The following STX8 variants were observed in gnomAD, a reference collection of about 807,000 sequenced individuals.
STX8 encodes the protein syntaxin 8.
STX8 carries 23 observed loss-of-function variants against 37.5 expected under a neutral mutation model. That is an observed-to-expected ratio of 0.61 (90% CI 0.44 to 0.87). The LOEUF (loss-of-function observed/expected upper bound fraction) is 0.87, where lower values mean the gene tolerates loss of function less well. Ranked by LOEUF, STX8 falls within the 40% of genes least tolerant of loss-of-function variation. The pLI, the probability that STX8 is intolerant of heterozygous loss-of-function variation, is 0.00. For missense variants in STX8, 313 were observed against 284.7 expected, an observed-to-expected ratio of 1.10 and a Z score of -0.71; for synonymous variants, 115 against 99.1, an observed-to-expected ratio of 1.16 and a Z score of -0.95.
chr17:9,470,214 G>GT (rs374917390), intron 6 of STX8, among the ~76,000 whole-genome samples: 246 of 152,292 alleles, frequency 1.6e-3, no homozygotes, highest in African/African-American at 5.6e-3. Context: ...AGAGAATGTC[G>GT]TGTCTCTTCC....
chr17:9,369,886 CAAA>C (rs60178482), intron 7 of STX8, among the ~76,000 whole-genome samples: 15 of 52,152 alleles, frequency 2.9e-4, no homozygotes, highest in Admixed American at 5.6e-4. Context: ...GACCCTGTAC[CAAA>C]AAAAAAAAAA....
At chr17:9,330,569 ATTTTCTAAAAGGTTTATTAG>A (rs1210594744) in intron 7 of STX8, among the ~76,000 whole-genome samples, 2 of 152,128 alleles carry the variant, frequency 1.3e-5, no homozygotes, top group East Asian at 3.9e-4. Flanking sequence ...GATGATCACC[ATTTTCTAAAAGGTTTATTAG>A]TTCTAGGTCC....
chr17:9,489,592 A>G (rs1906759982), intron 6 of STX8, among the ~76,000 whole-genome samples: 1 of 152,028 alleles, frequency 6.6e-6, no homozygotes, highest in African/African-American at 2.4e-5. Context: ...TTTGGTGGCT[A>G]GAGTCCTCTC....
At chr17:9,266,471 G>T (rs866621781) in intron 7 of STX8, among the ~76,000 whole-genome samples, 1 of 152,124 alleles carries the variant, frequency 6.6e-6, no homozygotes, top group Non-Finnish European at 1.5e-5. Context: ...CTTCAGCGCC[G>T]TGCTGGCTGA....
At chr17:9,326,356 A>G (rs139747385) in intron 7 of STX8, among the ~76,000 whole-genome samples, 385 of 152,200 alleles carry the variant, frequency 2.5e-3, no homozygotes, top group African/African-American at 7.8e-3. Context: ...TCCTGGGCTC[A>G]AGTGATCTGC....
chr17:9,557,496 G>A lies in STX8; in HGVS notation c.150C>T (p.Asn50=). 1.9e-6 allele frequency: 3 copies of A among 1,613,980 alleles called. No homozygotes were observed. Among genetic ancestry groups the A allele is most frequent in the Non-Finnish European group, 1.7e-6 (2 of 1,179,978 alleles). Residue 50 remains asparagine, a synonymous_variant, in exon 3 of 8, where the codon AAC becomes AAT. Coordinates refer to ENST00000306357, the MANE Select transcript of STX8 (RefSeq NM_004853.3). ...LTVTIRALLQ[N]LKEKIALLKD... ...TCAAAAGGGCGATCTTTTCCTTCAG[G>A]TTCTGCAACAAAGCTCTGATTGTCA...
chr17:9,362,211 T>A (rs544683357), intron 7 of STX8, among the ~76,000 whole-genome samples: 2 of 152,062 alleles, frequency 1.3e-5, no homozygotes, highest in Non-Finnish European at 2.9e-5. Context: ...ATGCCTGTAA[T>A]CCCAGCTTCT....
chr17:9,549,174 T>C (rs557899898), intron 3 of STX8, among the ~76,000 whole-genome samples: 6 of 152,308 alleles, frequency 3.9e-5, no homozygotes, highest in African/African-American at 1.4e-4. Flanking sequence ...GAGTCATTGG[T>C]AATAACTAAT....
At chr17:9,456,710 C>T (rs1164978868) in intron 6 of STX8, among the ~76,000 whole-genome samples, 2 of 152,140 alleles carry the variant, frequency 1.3e-5, no homozygotes, top group Non-Finnish European at 2.9e-5. Context: ...GGAAATGAAT[C>T]TGGCAATTTG....
At chr17:9,387,326 C>T (rs150024095) in intron 6 of STX8, among the ~76,000 whole-genome samples, 84 of 151,082 alleles carry the variant, frequency 5.6e-4, no homozygotes, top group African/African-American at 1.8e-3. Context: ...GGGAGTCTTG[C>T]GCTCTGTCAC....
chr17:9,431,506 A>T (rs1045908023), intron 6 of STX8, among the ~76,000 whole-genome samples: 5 of 151,500 alleles, frequency 3.3e-5, no homozygotes, highest in Non-Finnish European at 5.9e-5. Flanking sequence ...CATGTTGGCC[A>T]GGATGGTCTC....
intron 6 of STX8, among the ~76,000 whole-genome samples, chr17:9,423,984 T>G (rs1361245726): frequency 6.6e-6 from 1 of 152,160 alleles, no homozygotes; most frequent in Non-Finnish European, 1.5e-5. Flanking sequence ...GGCACACAAG[T>G]CAGCCATGAC....
At position 9,319,215 on chromosome 17, in the gene STX8, C is replaced by G. The variant is rs189183741; in HGVS notation, c.643+59337G>C. On this transcript the variant is annotated intron_variant, in intron 7 of 7. Transcript: ENST00000306357. ...CGGGCGGATCACAAGGTCAGGAGAT[C>G]GAGACCGTCCTGGCTAACACAGTGA... Among the ~76,000 whole-genome samples the G allele has an allele frequency of 3.9e-3, 592 of 152,160 alleles. 16 individuals carry two copies. Among genetic ancestry groups the G allele is most frequent in the East Asian group, 0.027 (140 of 5,168 alleles).
intron 6 of STX8, among the ~76,000 whole-genome samples, chr17:9,476,898 C>T (rs780145444): frequency 5.3e-5 from 8 of 151,842 alleles, no homozygotes; most frequent in Non-Finnish European, 1.2e-4. Flanking sequence ...CAGGCTGGAG[C>T]ACAGTGGTGC....
At chr17:9,371,268 C>A (rs1055030853) in intron 7 of STX8, among the ~76,000 whole-genome samples, 1 of 152,172 alleles carries the variant, frequency 6.6e-6, no homozygotes, top group Non-Finnish European at 1.5e-5. Context: ...CCTATTTTTA[C>A]ACTCCTTTGT....
intron 7 of STX8, among the ~76,000 whole-genome samples, chr17:9,352,396 T>C (rs1352026998): frequency 1.3e-5 from 2 of 151,290 alleles, no homozygotes; most frequent in Admixed American, 1.3e-4. Flanking sequence ...AAAGCTGTTT[T>C]TCTAATTTTA....
rs532998832 is a variant in STX8, at chr17:9,344,043, TAAC to T, written c.643+34506_643+34508del. ...GCACAATGAAAAAAGTTACAAAATA[TAAC>T]AACAACCACTTAAAGCAAAGTTAAT... On this transcript the variant is annotated intron_variant, in intron 7 of 7. Coordinates refer to ENST00000306357, the MANE Select transcript of STX8 (RefSeq NM_004853.3). 9.1e-3 allele frequency among the ~76,000 whole-genome samples: 1,384 copies of T among 152,216 alleles called. 9 individuals carry two copies. Among genetic ancestry groups the T allele is most frequent in the Non-Finnish European group, 0.016 (1,107 of 68,008 alleles).
At chr17:9,487,677 T>A (rs1906658921) in intron 6 of STX8, among the ~76,000 whole-genome samples, 1 of 151,928 alleles carries the variant, frequency 6.6e-6, no homozygotes, top group Non-Finnish European at 1.5e-5. Flanking sequence ...CCTATTTGTA[T>A]ATGTACACAT....
chr17:9,289,824 A>G (rs1439369803), intron 7 of STX8, among the ~76,000 whole-genome samples: 3 of 152,102 alleles, frequency 2.0e-5, no homozygotes, highest in African/African-American at 4.8e-5. Context: ...AAAAATGACA[A>G]TAAGTTCCAA....
Sources: gnomAD v4.1 joint callset for allele counts (sites outside exome capture counted in the v4.1 genomes callset) on GRCh38, gnomAD v4.1.1 for gene constraint, MANE v1.5 for transcripts, NCBI Gene and HGNC (gene_info 2026-07-23, HGNC 2026-07-21) for gene names.